LMBR1: variants seen among roughly 807,000 people sequenced by gnomAD.
LMBR1 encodes limb region 1 protein homolog.
Under a neutral mutation model 73.9 loss-of-function variants are expected in LMBR1, and 52 were observed. The observed-to-expected ratio is 0.70, with a 90% CI of 0.56 to 0.89. The LOEUF (loss-of-function observed/expected upper bound fraction) is 0.89, where lower values mean the gene tolerates loss of function less well. Among genes scored for constraint, LMBR1 ranks in the 40% least tolerant of loss-of-function variants. The pLI is 0.00. For missense variants in LMBR1, 539 were observed against 579.8 expected (o/e 0.93, Z 0.72); for synonymous variants, 215 against 209.4 (o/e 1.03, Z -0.23).
intron 5 of LMBR1, among the ~76,000 whole-genome samples, chr7:156,765,942 A>G (rs976512265): frequency 6.6e-6 from 1 of 152,224 alleles, no homozygotes; most frequent in Non-Finnish European, 1.5e-5. Context: ...CCACTGTCCA[A>G]AAGAAGTTGT....
intron 15 of LMBR1, among the ~76,000 whole-genome samples, chr7:156,718,197 T>C (rs1813642488): frequency 1.3e-5 from 2 of 151,992 alleles, no homozygotes; most frequent in South Asian, 4.2e-4. Flanking sequence ...GTCAGGAGTT[T>C]CAGACCAGCC....
intron 10 of LMBR1, among the ~76,000 whole-genome samples, chr7:156,730,930 C>G (rs915734296): frequency 6.6e-6 from 1 of 151,386 alleles, no homozygotes; most frequent in Non-Finnish European, 1.5e-5. Context: ...GAGCGAAACT[C>G]CATTTCATAA....
At chr7:156,835,015 C>T (rs1837360397) in intron 2 of LMBR1, among the ~76,000 whole-genome samples, 1 of 152,054 alleles carries the variant, frequency 6.6e-6, no homozygotes, top group African/African-American at 2.4e-5. Flanking sequence ...TGGCGGGCGT[C>T]TGTAATCCCA....
At chr7:156,671,293 G>A (rs1286983482) in intron 4 of LMBR1, among the ~76,000 whole-genome samples, 1 of 152,198 alleles carries the variant, frequency 6.6e-6, no homozygotes, top group Non-Finnish European at 1.5e-5. Context: ...GATTATGTAT[G>A]TGTTACTCAG....
intron 9 of LMBR1, among the ~76,000 whole-genome samples, chr7:156,735,221 T>A (rs148622146): frequency 8.7e-4 from 132 of 152,330 alleles, no homozygotes; most frequent in African/African-American, 2.9e-3. Flanking sequence ...CTTAAACTAT[T>A]GTAATAATTT....
intron 1 of LMBR1, among the ~76,000 whole-genome samples, chr7:156,838,672 T>C (rs1471346919): frequency 6.6e-6 from 1 of 152,208 alleles, no homozygotes; most frequent in Non-Finnish European, 1.5e-5. Flanking sequence ...AGTGCTGTCA[T>C]GAACATGGGA....
intron 3 of LMBR1, among the ~76,000 whole-genome samples, chr7:156,831,651 C>G (rs1005866937): frequency 1.3e-5 from 2 of 152,118 alleles, no homozygotes; most frequent in African/African-American, 4.8e-5. Flanking sequence ...ACCCGTGACT[C>G]GGAAAACCCA....
rs146974290 is a variant in LMBR1 at position 156,863,112 on chromosome 7, A to G, written c.67-26227T>C. Among the ~76,000 whole-genome samples the G allele has an allele frequency of 7.1e-4, 108 of 152,336 alleles. 1 individual carries two copies. The highest frequency in any genetic ancestry group is 2.5e-3 in the African/African-American group (104 of 41,578). On this transcript the variant is annotated intron_variant, in intron 1 of 16. Transcript: ENST00000353442. ...GGAACAGAACTAATAGAAGATATAT[A>G]TATGTATAGATAGATACAAATAGAT...
downstream of LMBR1, among the ~76,000 whole-genome samples, chr7:156,673,670 G>A (rs2131706495): frequency 6.6e-6 from 1 of 152,248 alleles, no homozygotes; most frequent in East Asian, 1.9e-4. Flanking sequence ...TGCCTGCTGT[G>A]TTCACAGAAT....
rs373489589 is a variant in LMBR1, at chr7:156,800,561, G to A, written c.320-4069C>T. 3.0e-4 allele frequency among the ~76,000 whole-genome samples: 45 copies of A among 151,162 alleles called. No individual in the cohort carries two copies. The South Asian group carries it at 5.6e-3, about 19-fold the overall frequency. On this transcript the variant is annotated intron_variant, in intron 4 of 16. Transcript: ENST00000353442. Reference sequence around the variant, plus strand: ...CTGCTGATGGAGATGAAAGAGCCCTGGTGGAGATGTTTAAAAAGATCAATA... The same window carrying A: ...CTGCTGATGGAGATGAAAGAGCCCTAGTGGAGATGTTTAAAAAGATCAATA...
chr7:156,826,856 A>G, intron 3 of LMBR1, 112 bp from the exon 4 acceptor site: 1 of 1,002,320 alleles, frequency 1.0e-6, no homozygotes, highest in Non-Finnish European at 1.4e-6. Context: ...CATTATATTA[A>G]GAACTTTATT....
At chr7:156,707,985 A>G (rs1181020216) in intron 15 of LMBR1, among the ~76,000 whole-genome samples, 1 of 152,110 alleles carries the variant, frequency 6.6e-6, no homozygotes, top group Non-Finnish European at 1.5e-5. Flanking sequence ...AAATTCAGTA[A>G]AGTTTCAGAA....
chr7:156,829,515 G>A (rs755625309), intron 3 of LMBR1, among the ~76,000 whole-genome samples: 25 of 151,988 alleles, frequency 1.6e-4, no homozygotes, highest in Non-Finnish European at 2.1e-4. Flanking sequence ...CGCTTCCTGC[G>A]GCCTCACCAG....
intron 1 of LMBR1, among the ~76,000 whole-genome samples, chr7:156,850,963 G>A (rs1160850766): frequency 6.6e-6 from 1 of 152,020 alleles, no homozygotes; most frequent in Non-Finnish European, 1.5e-5. Flanking sequence ...ACAGGATCTG[G>A]TTGTTTAAGG....
chr7:156,814,784 T>C (rs1833641194), intron 4 of LMBR1, among the ~76,000 whole-genome samples: 1 of 152,170 alleles, frequency 6.6e-6, no homozygotes, highest in Non-Finnish European at 1.5e-5. Context: ...AGGGCTCTTA[T>C]GAAGAACAGA....
intron 9 of LMBR1, among the ~76,000 whole-genome samples, chr7:156,753,374 T>C (rs1821247664): frequency 6.6e-6 from 1 of 151,410 alleles, no homozygotes; most frequent in African/African-American, 2.4e-5. Flanking sequence ...TGGAGAGTAG[T>C]AAAAGGGAAC....
At chr7:156,775,955 C>T (rs1826051538) in intron 5 of LMBR1, among the ~76,000 whole-genome samples, 1 of 151,774 alleles carries the variant, frequency 6.6e-6, no homozygotes, top group South Asian at 2.1e-4. Context: ...CTAAGCTTTG[C>T]TGTGCCTCAG....
Position 156,683,710 on chromosome 7 carries a change from T to C in LMBR1, c.*368A>G, listed in dbSNP as rs1805434856. On this transcript the variant is annotated 3_prime_UTR_variant, in exon 17 of 17. Coordinates refer to ENST00000353442, the MANE Select transcript of LMBR1 (RefSeq NM_022458.4). ...ATTCTGAATAAAGTACATAATGGGA[T>C]TTAAGTAAATCTTTAGAAGTCCCGG... 5.8e-6 allele frequency: 1 copy of C among 173,494 alleles called. No individual in the cohort carries two copies. The highest frequency in any genetic ancestry group is 6.2e-5 in the Admixed American group (1 of 16,042). The allele number at this position is 173,494 out of a possible 1,614,324, so 10.7% of individuals were successfully genotyped here. A position where few individuals can be genotyped will look rare whatever the true frequency, so the allele number is the denominator to read the frequency against.
chr7:156,812,786 T>C (rs58110139), intron 4 of LMBR1, among the ~76,000 whole-genome samples: 2,350 of 152,322 alleles, frequency 0.015, 51 homozygotes, highest in African/African-American at 0.053. Flanking sequence ...AATGATTCTC[T>C]GTGCAGCAAT....
Sources: gnomAD v4.1 joint callset for allele counts (sites outside exome capture counted in the v4.1 genomes callset) on GRCh38, gnomAD v4.1.1 for gene constraint, MANE v1.5 for transcripts, NCBI Gene and HGNC (gene_info 2026-07-23, HGNC 2026-07-21) for gene names.